The following GOT1 variants were observed in gnomAD, a reference collection of about 807,000 sequenced individuals.
GOT1 encodes aspartate aminotransferase, cytoplasmic.
In GOT1, 25 loss-of-function variants were observed where a neutral mutation model predicts 48.2. That is an observed-to-expected ratio of 0.52 (90% CI 0.38 to 0.72). The LOEUF (loss-of-function observed/expected upper bound fraction) is 0.72. GOT1 is among the 30% of genes least tolerant of loss of function. GOT1 has a pLI of 0.00. For synonymous variants in GOT1, 188 were observed against 193.8 expected, an observed-to-expected ratio of 0.97 and a Z score of 0.25; for missense variants, 380 against 520.1, an observed-to-expected ratio of 0.73 and a Z score of 2.62.
intron 8 of GOT1, among the ~76,000 whole-genome samples, chr10:99,398,379 A>C (rs1040742715): frequency 2.0e-5 from 3 of 152,216 alleles, no homozygotes; most frequent in Admixed American, 6.5e-5. Flanking sequence ...ATAGAATTTT[A>C]GTGAATTTGG....
Position 99,406,720 on chromosome 10 carries a change from A to G in GOT1, c.424+6T>C. On this transcript the variant is annotated splice_donor_region_variant and intron_variant, in intron 3 of 8. Transcript: ENST00000370508. ...TTTTTCCTCTCACTTCAGCTGAAAG[A>G]CTCACCCCAGGTTGGTGAGGACACA... 2 of 1,611,464 alleles carry G rather than the reference A, an allele frequency of 1.2e-6. No homozygotes were observed. Among genetic ancestry groups the G allele is most frequent in the Non-Finnish European group, 1.7e-6 (2 of 1,177,984 alleles).
At chr10:99,408,752 C>T (rs2032793145) in intron 2 of GOT1, among the ~76,000 whole-genome samples, 1 of 152,118 alleles carries the variant, frequency 6.6e-6, no homozygotes, top group South Asian at 2.1e-4. Flanking sequence ...AGGAGGGACA[C>T]ACGCCAATCT....
intron 1 of GOT1, among the ~76,000 whole-genome samples, chr10:99,429,057 T>A (rs1013131603): frequency 6.6e-6 from 1 of 152,034 alleles, no homozygotes; most frequent in Non-Finnish European, 1.5e-5. Context: ...TGAAGACTTT[T>A]TTTTTTTTTT....
At chr10:99,427,677 G>C (rs1364165904) in intron 1 of GOT1, among the ~76,000 whole-genome samples, 1 of 152,128 alleles carries the variant, frequency 6.6e-6, no homozygotes, top group African/African-American at 2.4e-5. Flanking sequence ...TCACATGGCT[G>C]GACCACGGTG....
intron 5 of GOT1, among the ~76,000 whole-genome samples, chr10:99,404,669 C>A (rs1396773585): frequency 6.6e-6 from 1 of 152,160 alleles, no homozygotes; most frequent in Non-Finnish European, 1.5e-5. Context: ...CCATTCCCTG[C>A]TATGACATCA....
Position 99,397,415 on chromosome 10 carries a change from G to C in GOT1, c.*132C>G. Reference sequence around the variant, plus strand: ...TTCATGTGGGGCCGGTTTAAACAGAGGCTGCCTCACCAGAGCAGCCTTTCA... The same window carrying C: ...TTCATGTGGGGCCGGTTTAAACAGACGCTGCCTCACCAGAGCAGCCTTTCA... On this transcript the variant is annotated 3_prime_UTR_variant, in exon 9 of 9. Transcript: ENST00000370508. The surrounding 1 kb of genome is among the most constrained non-coding windows in gnomAD (Gnocchi z 5.4). The C allele has an allele frequency of 1.1e-6, 1 of 936,860 alleles. No individual in the cohort carries two copies. 58.0% of individuals were successfully genotyped at this position (936,860 alleles called of 1,614,324 possible).
chr10:99,427,516 G>C (rs1447970989), intron 1 of GOT1, among the ~76,000 whole-genome samples: 1 of 152,176 alleles, frequency 6.6e-6, no homozygotes, highest in African/African-American at 2.4e-5. Flanking sequence ...TGATCCGCCC[G>C]CCTCGGCCTC....
intron 1 of GOT1, among the ~76,000 whole-genome samples, chr10:99,427,559 A>G (rs3793934): frequency 0.92 from 139,785 of 152,276 alleles, 64,215 homozygotes; most frequent in Admixed American, 0.95. Flanking sequence ...GTGAGCCACC[A>G]TGCCTGGCCC....
chr10:99,423,815 A>AT (rs571149699), intron 1 of GOT1, among the ~76,000 whole-genome samples: 3,269 of 147,568 alleles, frequency 0.022, 121 homozygotes, highest in African/African-American at 0.075. Context: ...GGACCAGCTA[A>AT]TTTTTTTTTT....
rs1206504510 is a variant in GOT1 at position 99,402,624 on chromosome 10, T to C, written c.1058A>G (p.His353Arg). The C allele has an allele frequency of 6.2e-7, 1 of 1,614,208 alleles. No homozygotes were observed. The highest frequency in any genetic ancestry group is 2.2e-5 in the East Asian group (1 of 44,882). Residue 353 changes from histidine (H) to arginine (R), a missense_variant, in exon 8 of 9, where the codon CAC becomes CGC. Physicochemically the swap from His to Arg is conservative, Grantham distance 29. Coordinates refer to ENST00000370508, the MANE Select transcript of GOT1 (RefSeq NM_002079.3). ...EALKTPGTWN[H>R]ITDQIGMFSF... is the part of the protein sequence containing the mutation. ...GAACATGCCAATTTGATCAGTGATG[T>C]GGTTCCAGGTCCCAGGGGTTTTGAG...
intron 2 of GOT1, among the ~76,000 whole-genome samples, chr10:99,415,235 C>T (rs1294703485): frequency 2.0e-5 from 3 of 151,904 alleles, no homozygotes; most frequent in Non-Finnish European, 4.4e-5. Context: ...ACCAAATAGA[C>T]GCAATAAAAA....
chr10:99,398,136 C>A lies in GOT1; in HGVS notation c.1103-450G>T, dbSNP rs544209574. The stretch of plus-strand genomic sequence containing the variant: ...ATTTTTACAATACATTGGGTAAGGC[C>A]CCATGCATGAGGTACCTGATCAATC... On this transcript the variant is annotated intron_variant, in intron 8 of 8. Coordinates refer to ENST00000370508, the MANE Select transcript of GOT1 (RefSeq NM_002079.3). Among the ~76,000 whole-genome samples, 8 of 152,248 alleles carry A rather than the reference C, an allele frequency of 5.3e-5. No individual in the cohort carries two copies. In the South Asian group the frequency reaches 1.5e-3, roughly 28 times the overall value.
intron 2 of GOT1, among the ~76,000 whole-genome samples, chr10:99,417,695 A>G (rs1307190530): frequency 6.6e-6 from 1 of 152,222 alleles, no homozygotes; most frequent in Non-Finnish European, 1.5e-5. Flanking sequence ...TCCATCAATG[A>G]TAGACTGGAT....
chr10:99,397,790 A>G lies in GOT1; in HGVS notation c.1103-104T>C, dbSNP rs2134093773. The stretch of plus-strand genomic sequence containing the variant: ...TTACAGCTTTACTTCTTTCCCCTTA[A>G]CAGAGAGAAGCAAAACAAAAGGCGC... On this transcript the variant is annotated intron_variant, in intron 8 of 8. Coordinates refer to ENST00000370508, the MANE Select transcript of GOT1 (RefSeq NM_002079.3). This position sits in a 1 kb window ranked among gnomAD's most constrained non-coding sequence, Gnocchi z 5.4. 1 of 1,123,412 alleles carries G rather than the reference A, an allele frequency of 8.9e-7. No individual in the cohort carries two copies. Among genetic ancestry groups the G allele is most frequent in the East Asian group, 2.4e-5 (1 of 41,648 alleles). 69.6% of individuals were successfully genotyped at this position (1,123,412 alleles called of 1,614,324 possible).
chr10:99,406,593 A>G, intron 3 of GOT1, 133 bp downstream of exon 3: 1 of 813,378 alleles, frequency 1.2e-6, no homozygotes, highest in African/African-American at 1.7e-5. Flanking sequence ...CACTGCCATA[A>G]CCCACTGTTC....
chr10:99,398,795 G>GCAGTGTT (rs1441189657), intron 8 of GOT1, among the ~76,000 whole-genome samples: 2 of 152,154 alleles, frequency 1.3e-5, no homozygotes, highest in East Asian at 3.8e-4. Flanking sequence ...TATGTGCCAG[G>GCAGTGTT]CAGTGTTCTA....
intron 8 of GOT1, among the ~76,000 whole-genome samples, chr10:99,399,014 C>T (rs2032635567): frequency 6.6e-6 from 1 of 152,188 alleles, no homozygotes. Context: ...ACCCTGGACT[C>T]AGTGCTCCTT....
chr10:99,419,176 A>T (rs1168288929), intron 2 of GOT1, among the ~76,000 whole-genome samples: 1 of 152,188 alleles, frequency 6.6e-6, no homozygotes, highest in Admixed American at 6.5e-5. Context: ...AATAAATCAG[A>T]TGACTCCAAG....
intron 7 of GOT1, among the ~76,000 whole-genome samples, chr10:99,403,162 G>A (rs939220713): frequency 6.6e-6 from 1 of 151,926 alleles, no homozygotes; most frequent in Non-Finnish European, 1.5e-5. Flanking sequence ...CTAGACGTTC[G>A]ATATTCTATT....
Sources: allele counts gnomAD v4.1 joint callset (sites outside exome capture counted in the v4.1 genomes callset), GRCh38; gene constraint gnomAD v4.1.1; non-coding constraint Gnocchi (gnomAD v3.1); transcripts MANE v1.5; gene names NCBI Gene and HGNC (gene_info 2026-07-23, HGNC 2026-07-21).